The following COL11A1 variants were observed in gnomAD, a reference collection of about 807,000 sequenced individuals.
COL11A1 encodes the protein collagen alpha-1(XI) chain.
A neutral mutation model predicts 265.2 loss-of-function variants in COL11A1; 74 were observed. That is an observed-to-expected ratio of 0.28 (90% CI 0.23 to 0.34). The LOEUF is 0.34. Among genes scored for constraint, COL11A1 ranks in the 10% least tolerant of loss-of-function variants. The pLI is 1.00. For missense variants in COL11A1, 2,165 were observed against 2,263.6 expected, an observed-to-expected ratio of 0.96 and a Z score of 0.88; for synonymous variants, 816 against 727.6, an observed-to-expected ratio of 1.12 and a Z score of -1.96.
chr1:103,074,932 G>T, intron 3 of COL11A1, 152 bp from the exon 4 acceptor site: 1 of 880,990 alleles, frequency 1.1e-6, no homozygotes, highest in Non-Finnish European at 1.8e-6. Flanking sequence ...CCAGTTAACA[G>T]ATGACTACTT....
intron 46 of COL11A1, among the ~76,000 whole-genome samples, chr1:102,924,053 CAAA>C (rs577410207): frequency 4.7e-5 from 5 of 106,792 alleles, no homozygotes; most frequent in Admixed American, 1.0e-4. Context: ...ACTAAAAATA[CAAA>C]AAAAAAAAAA....
chr1:102,978,317 G>A (rs1423628147), intron 35 of COL11A1, among the ~76,000 whole-genome samples: 1 of 152,104 alleles, frequency 6.6e-6, no homozygotes, highest in Non-Finnish European at 1.5e-5. Flanking sequence ...GCTACTAGTA[G>A]CTTGTTTTTT....
At chr1:102,900,475 C>T (rs551480734) in intron 54 of COL11A1, among the ~76,000 whole-genome samples, 4 of 152,108 alleles carry the variant, frequency 2.6e-5, no homozygotes, top group Admixed American at 2.6e-4. Context: ...GAAATAATGA[C>T]ATTCAATGAA....
intron 57 of COL11A1, among the ~76,000 whole-genome samples, chr1:102,893,958 A>C (rs531046218): frequency 6.6e-6 from 1 of 152,194 alleles, no homozygotes. Context: ...AAATAATGCT[A>C]TCAGATATTT....
intron 1 of COL11A1, among the ~76,000 whole-genome samples, chr1:103,083,551 T>C (rs1306523524): frequency 1.3e-5 from 2 of 152,260 alleles, no homozygotes; most frequent in East Asian, 3.9e-4. Flanking sequence ...AGTCATTTTG[T>C]ATACACAAGA....
intron 49 of COL11A1, among the ~76,000 whole-genome samples, chr1:102,917,935 C>A (rs1655537520): frequency 6.6e-6 from 1 of 151,340 alleles, no homozygotes; most frequent in South Asian, 2.1e-4. Context: ...TATGTTAGAT[C>A]CAAGTGTGCA....
At chr1:102,994,170 T>C (rs930619891) in intron 28 of COL11A1, among the ~76,000 whole-genome samples, 1 of 152,176 alleles carries the variant, frequency 6.6e-6, no homozygotes, top group African/African-American at 2.4e-5. Context: ...TTTGATAATA[T>C]TGTAACCATG....
At chr1:103,083,181 A>C (rs1367348276) in intron 1 of COL11A1, among the ~76,000 whole-genome samples, 7 of 151,830 alleles carry the variant, frequency 4.6e-5, no homozygotes, top group African/African-American at 1.7e-4. Flanking sequence ...AAAATATCTC[A>C]AATCTGGAAT....
intron 5 of COL11A1, among the ~76,000 whole-genome samples, chr1:103,030,643 GA>G (rs202055886): frequency 1.3e-5 from 2 of 149,848 alleles, no homozygotes; most frequent in East Asian, 1.9e-4. Flanking sequence ...TTTCCTATGA[GA>G]AAATTTTTTT....
chr1:103,022,318 C>T (rs1168346599), intron 8 of COL11A1, among the ~76,000 whole-genome samples: 3 of 151,952 alleles, frequency 2.0e-5, no homozygotes, highest in South Asian at 2.1e-4. Context: ...TGAGATTGAA[C>T]GATTGCCTCT....
chr1:102,914,772 G>T lies in COL11A1; in HGVS notation c.3856C>A (p.Pro1286Thr). 1 of 1,612,526 alleles carries T rather than the reference G, an allele frequency of 6.2e-7. No individual in the cohort carries two copies. Among genetic ancestry groups the T allele is most frequent in the Admixed American group, 1.7e-5 (1 of 59,804 alleles). ...CCTGGAGGTCCAGCAGCTCCAGGTG[G>T]ACCAGCTTCCCCTTTCTCTCCTCTT... ...GERGEKGEAG[P>T]PGAAGPPGAK... Residue 1286 changes from proline to threonine, a missense_variant, in exon 51 of 67, where the codon CCA becomes ACA. Coordinates refer to ENST00000370096, the MANE Select transcript of COL11A1 (RefSeq NM_001854.4).
chr1:103,054,384 T>C (rs150532223), intron 4 of COL11A1, among the ~76,000 whole-genome samples: 331 of 152,300 alleles, frequency 2.2e-3, no homozygotes, highest in Non-Finnish European at 3.8e-3. Flanking sequence ...TCTATGCTAC[T>C]CTAACAAGAG....
intron 41 of COL11A1, among the ~76,000 whole-genome samples, chr1:102,960,192 T>C (rs1160448816): frequency 6.6e-6 from 1 of 152,138 alleles, no homozygotes; most frequent in Non-Finnish European, 1.5e-5. Context: ...ATTATGTCAA[T>C]GGTTGTTATA....
In COL11A1 at chr1:103,026,198, G is replaced by T. The variant is rs1425495254; in HGVS notation, c.897+18C>A. 3 of 1,532,658 alleles carry T rather than the reference G, an allele frequency of 2.0e-6. No homozygotes were observed. The highest frequency in any genetic ancestry group is 1.7e-5 in the Admixed American group (1 of 59,894). 94.9% of individuals were successfully genotyped at this position (1,532,658 alleles called of 1,614,324 possible). A position where few individuals can be genotyped will look rare whatever the true frequency, so the allele number is the denominator to read the frequency against. ...GAACAGCAGGACACCACATACACAG[G>T]CACTGCTTTGTTTTTACCTCCGTCT... On this transcript the variant is annotated intron_variant, in intron 6 of 66. Transcript: ENST00000370096.
At position 103,022,724 on chromosome 1, in the gene COL11A1, T is replaced by C; in HGVS notation, c.1245+18A>G. ...ATAAATAAGACATACAATGACACAG[T>C]GCATAGTATCAACTTACGCTTGTTT... On this transcript the variant is annotated intron_variant, in intron 8 of 66. Coordinates refer to ENST00000370096, the MANE Select transcript of COL11A1 (RefSeq NM_001854.4). The C allele has an allele frequency of 6.2e-7, 1 of 1,613,028 alleles. No individual in the cohort carries two copies. Among genetic ancestry groups the C allele is most frequent in the South Asian group, 1.1e-5 (1 of 91,078 alleles).
intron 7 of COL11A1, 66 bp from the exon 8 acceptor site, chr1:103,023,062 T>C: frequency 1.9e-6 from 3 of 1,546,322 alleles, no homozygotes; most frequent in Non-Finnish European, 2.7e-6. Flanking sequence ...AAGGTAAGCA[T>C]TTAAATTACA....
intron 4 of COL11A1, among the ~76,000 whole-genome samples, chr1:103,066,533 T>A (rs1671161974): frequency 2.5e-5 from 3 of 119,722 alleles, no homozygotes; most frequent in Non-Finnish European, 3.6e-5. Flanking sequence ...TACTACAAAA[T>A]ATTCAAATAA....
intron 15 of COL11A1, among the ~76,000 whole-genome samples, chr1:103,007,161 C>T (rs1242532790): frequency 6.6e-6 from 1 of 152,102 alleles, no homozygotes; most frequent in African/African-American, 2.4e-5. Flanking sequence ...TAGCACAGTG[C>T]CTGGTACACA....
chr1:102,946,780 T>C (rs1474048919), intron 42 of COL11A1, 69 bp downstream of exon 42: 1 of 1,235,286 alleles, frequency 8.1e-7, no homozygotes, highest in East Asian at 2.5e-5. Context: ...AAAGCTAATA[T>C]TATTGAATAA....
Sources: gnomAD v4.1 joint callset for allele counts (sites outside exome capture counted in the v4.1 genomes callset) on GRCh38, gnomAD v4.1.1 for gene constraint, MANE v1.5 for transcripts, NCBI Gene and HGNC (gene_info 2026-07-23, HGNC 2026-07-21) for gene names.